CFAP61: variants seen among roughly 807,000 people sequenced by gnomAD.
CFAP61 encodes cilia- and flagella-associated protein 61.
Under a neutral mutation model 135.6 loss-of-function variants are expected in CFAP61, and 107 were observed. The ratio of observed to expected loss-of-function variants is 0.79; its 90% CI spans 0.67 to 0.93. CFAP61 has a LOEUF of 0.93. CFAP61 is among the 40% of genes least tolerant of loss of function. CFAP61 has a pLI of 0.00. For synonymous variants in CFAP61, 575 were observed against 578.5 expected (o/e 0.99, Z 0.09); for missense variants, 1,507 against 1,556.2 (o/e 0.97, Z 0.53).
chr20:20,354,761 A>AGGGAGGTGGTCACGCTGAGAG lies in CFAP61; in HGVS notation c.3514-5435_3514-5415dup, dbSNP rs1363129646. ...AGAGAAAAAGTAATCATACTGTGAA[A>AGGGAGGTGGTCACGCTGAGAG]GGGAGGTGGTCACGCTGAGAGGGGA... On this transcript the variant is annotated intron_variant, in intron 26 of 26. Transcript: ENST00000245957. Among the ~76,000 whole-genome samples the AGGGAGGTGGTCACGCTGAGAG allele has an allele frequency of 3.2e-3, 475 of 146,436 alleles. 4 individuals carry two copies. The highest frequency in any genetic ancestry group is 0.012 in the African/African-American group (452 of 39,074).
At chr20:20,091,280 A>G (rs184536443) in intron 7 of CFAP61, among the ~76,000 whole-genome samples, 14 of 152,358 alleles carry the variant, frequency 9.2e-5, no homozygotes, top group Admixed American at 3.3e-4. Flanking sequence ...AGGATCCCCA[A>G]ATCTCAGACT....
At chr20:20,330,301 A>G (rs1169153717) in intron 25 of CFAP61, among the ~76,000 whole-genome samples, 1 of 152,144 alleles carries the variant, frequency 6.6e-6, no homozygotes, top group Non-Finnish European at 1.5e-5. Context: ...TGTATTTTAT[A>G]CAGGAGGTAC....
intron 13 of CFAP61, among the ~76,000 whole-genome samples, chr20:20,183,120 A>C (rs2055234871): frequency 6.6e-6 from 1 of 151,900 alleles, no homozygotes; most frequent in Non-Finnish European, 1.5e-5. Context: ...TCACATGTGG[A>C]ATAAGACTTA....
intron 6 of CFAP61, among the ~76,000 whole-genome samples, chr20:20,076,276 G>A (rs1202410388): frequency 6.6e-6 from 1 of 152,186 alleles, no homozygotes; most frequent in Non-Finnish European, 1.5e-5. Flanking sequence ...CTTCTGCCTG[G>A]CTCTCTCAGG....
chr20:20,127,296 G>T (rs2050142208), intron 8 of CFAP61, among the ~76,000 whole-genome samples: 1 of 151,096 alleles, frequency 6.6e-6, no homozygotes, highest in Admixed American at 6.6e-5. Flanking sequence ...AAAGAGCCTT[G>T]TTTTGTCATA....
At chr20:20,327,031 A>G (rs74403880) in intron 25 of CFAP61, among the ~76,000 whole-genome samples, 4,118 of 152,072 alleles carry the variant, frequency 0.027, 185 homozygotes, top group African/African-American at 0.095. Context: ...GCTGCTGTAG[A>G]TGGAATCTTT....
intron 13 of CFAP61, among the ~76,000 whole-genome samples, chr20:20,177,632 G>C (rs1022908764): frequency 6.6e-6 from 1 of 151,418 alleles, no homozygotes; most frequent in African/African-American, 2.4e-5. Flanking sequence ...CAGGTGCTGG[G>C]GAAACAGAAA....
At chr20:20,060,077 G>GA (rs11354098) in intron 2 of CFAP61, among the ~76,000 whole-genome samples, 11 of 147,992 alleles carry the variant, frequency 7.4e-5, no homozygotes, top group Non-Finnish European at 1.2e-4. Context: ...AACAGAGGGG[G>GA]AAAAAAAAAA....
chr20:20,191,543 G>T (rs2055921387), intron 15 of CFAP61, 124 bp downstream of exon 15: 6 of 608,044 alleles, frequency 9.9e-6, no homozygotes, highest in Non-Finnish European at 1.7e-5. Context: ...TTTTCTGATG[G>T]ATATCATCAT....
At chr20:20,285,312 G>A (rs563507367) in intron 22 of CFAP61, among the ~76,000 whole-genome samples, 21 of 149,616 alleles carry the variant, frequency 1.4e-4, no homozygotes, top group East Asian at 1.2e-3. Context: ...CTTGTTTGGC[G>A]TTCACTGAAC....
Position 20,054,794 on chromosome 20 carries a change from C to T in CFAP61, c.-36-1824C>T, listed in dbSNP as rs552645191. Among the ~76,000 whole-genome samples the T allele has an allele frequency of 1.8e-4, 27 of 152,248 alleles. 1 individual carries two copies. The highest frequency in any genetic ancestry group is 7.8e-4 in the Admixed American group (12 of 15,290). On this transcript the variant is annotated intron_variant, in intron 1 of 26. Transcript: ENST00000245957. Reference sequence around the variant, plus strand: ...TAGACAGTCTGTCTTTTGTCAGGTTCCTTTAAAGTTTTCTGTTTGTCTTTA... The same window carrying T: ...TAGACAGTCTGTCTTTTGTCAGGTTTCTTTAAAGTTTTCTGTTTGTCTTTA...
At chr20:20,076,648 C>T (rs2046070169) in intron 6 of CFAP61, among the ~76,000 whole-genome samples, 1 of 152,170 alleles carries the variant, frequency 6.6e-6, no homozygotes, top group South Asian at 2.1e-4. Flanking sequence ...TAAATTGTAT[C>T]TTTTGGGATC....
chr20:20,250,483 G>A (rs113983824), intron 19 of CFAP61, among the ~76,000 whole-genome samples: 43 of 152,218 alleles, frequency 2.8e-4, no homozygotes, highest in African/African-American at 7.5e-4. Flanking sequence ...TAGAAGTGGC[G>A]CGTGCCTCCA....
chr20:20,269,959 A>C (rs1053008469), intron 21 of CFAP61, among the ~76,000 whole-genome samples: 6 of 152,190 alleles, frequency 3.9e-5, no homozygotes, highest in Non-Finnish European at 8.8e-5. Context: ...TCTGGATAAA[A>C]TGATAAACCC....
chr20:20,208,939 G>A (rs559411658), intron 17 of CFAP61, among the ~76,000 whole-genome samples: 10 of 152,168 alleles, frequency 6.6e-5, no homozygotes, highest in African/African-American at 2.4e-4. Context: ...CCTCTTTGGG[G>A]TGGGGGGGCA....
intron 7 of CFAP61, among the ~76,000 whole-genome samples, chr20:20,091,590 A>G (rs2047205109): frequency 6.6e-6 from 1 of 151,998 alleles, no homozygotes; most frequent in African/African-American, 2.4e-5. Flanking sequence ...AAGTATTTCA[A>G]TGTATATTTC....
At chr20:20,096,999 A>G (rs1301605704) in intron 7 of CFAP61, among the ~76,000 whole-genome samples, 1 of 152,180 alleles carries the variant, frequency 6.6e-6, no homozygotes, top group Non-Finnish European at 1.5e-5. Flanking sequence ...TTGAGAAGAA[A>G]ATAGAGGAGG....
chr20:20,283,024 C>T (rs1170939314), intron 22 of CFAP61, among the ~76,000 whole-genome samples: 1 of 151,838 alleles, frequency 6.6e-6, no homozygotes, highest in Non-Finnish European at 1.5e-5. Flanking sequence ...ATATGTATTA[C>T]GTATTATGTG....
At chr20:20,078,363 TACAG>T (rs2046204508) in intron 6 of CFAP61, among the ~76,000 whole-genome samples, 1 of 151,964 alleles carries the variant, frequency 6.6e-6, no homozygotes, top group Non-Finnish European at 1.5e-5. Context: ...GGTGCATAGA[TACAG>T]AGAGACATGT....
Sources: gnomAD v4.1 joint callset for allele counts (sites outside exome capture counted in the v4.1 genomes callset) on GRCh38, gnomAD v4.1.1 for gene constraint, MANE v1.5 for transcripts, NCBI Gene and HGNC (gene_info 2026-07-23, HGNC 2026-07-21) for gene names.